Variants in FGD1 observed in about 807,000 individuals in gnomAD.
FGD1 encodes FYVE, RhoGEF and PH domain-containing protein 1.
Under a neutral mutation model 65.0 loss-of-function variants are expected in FGD1, and 12 were observed. That is an observed-to-expected ratio of 0.18 (90% confidence interval 0.12 to 0.30). The LOEUF is 0.30. Ranked by LOEUF, FGD1 falls within the 10% of genes least tolerant of loss-of-function variation. The probability of loss-of-function intolerance (pLI) is 1.00; values close to 1 mark genes in which losing one functional copy is unlikely to be tolerated. For missense variants in FGD1, 542 were observed against 837.6 expected (o/e 0.65, Z 4.36); for synonymous variants, 333 against 343.9 (o/e 0.97, Z 0.35).
In FGD1 at chrX:54,470,000, G is replaced by A. The variant is rs1922845473; in HGVS notation, c.1101+16C>T. ...TCTCCACATGGACCTGCCTCTCGGT[G>A]AACACAGGTCAGTACCTCCACAGAC... On this transcript the variant is annotated intron_variant, in intron 4 of 17. Coordinates refer to ENST00000375135, the MANE Select transcript of FGD1 (RefSeq NM_004463.3). The A allele has an allele frequency of 8.3e-7, 1 of 1,200,175 alleles. No individual in the cohort carries two copies. The highest frequency in any genetic ancestry group is 2.4e-4 in the Middle Eastern group (1 of 4,178).
At position 54,482,427 on chromosome X, in the gene FGD1, C is replaced by T. The variant is rs368378257; in HGVS notation, c.308-10940G>A. The stretch of plus-strand genomic sequence containing the variant: ...CCCCGCCCATCTCCCTCCCCCGCCC[C>T]GGGAGGAGCTGGGGACTTCAGAGGA... On this transcript the variant is annotated intron_variant, in intron 1 of 17. Transcript: ENST00000375135. 4.5e-5 allele frequency among the ~76,000 whole-genome samples: 5 copies of T among 112,159 alleles called. No individual in the cohort carries two copies. In the East Asian group the frequency reaches 8.5e-4, roughly 19 times the overall value.
chrX:54,486,556 T>C (rs144883607), intron 1 of FGD1, among the ~76,000 whole-genome samples: 263 of 111,703 alleles, frequency 2.4e-3, no homozygotes, highest in Non-Finnish European at 3.4e-3. Flanking sequence ...GATTTCTGTA[T>C]TTTTAGTAGA....
intron 8 of FGD1, among the ~76,000 whole-genome samples, chrX:54,461,126 C>T (rs1387083748): frequency 9.0e-6 from 1 of 111,436 alleles, no homozygotes; most frequent in African/African-American, 3.3e-5. Context: ...GGAGAATTTT[C>T]ACCTGGGGAT....
At position 54,492,912 on chromosome X, in the gene FGD1, A is replaced by G. The variant is rs1923445470; in HGVS notation, c.307+2214T>C. ...GTCTTATTCCTAATCCCCATCTTGA[A>G]TCAAAAAAAAAAAAAAAAAAGACAC... On this transcript the variant is annotated intron_variant, in intron 1 of 17. Transcript: ENST00000375135. Among the ~76,000 whole-genome samples the G allele has an allele frequency of 3.7e-5, 3 of 81,540 alleles. No homozygotes were observed. In the South Asian group the frequency reaches 1.7e-3, roughly 45 times the overall value. 70.8% of individuals were successfully genotyped at this position (81,540 alleles called of 115,157 possible).
At chrX:54,470,783 G>C (rs1429838338) in intron 2 of FGD1, 23 bp from the exon 3 acceptor site, 2 of 920,610 alleles carry the variant, frequency 2.2e-6, no homozygotes, top group Admixed American at 3.1e-5. Flanking sequence ...ATGGGGAAGA[G>C]AGAAGGGAGA....
At chrX:54,465,886 TG>T (rs1922748286) in intron 6 of FGD1, 34 bp from the exon 7 acceptor site, 2 of 1,206,426 alleles carry the variant, frequency 1.7e-6, no homozygotes, top group East Asian at 5.9e-5. Flanking sequence ...GTGGTCCTGC[TG>T]CTCTTTGCCC....
chrX:54,473,718 C>G (rs1254111156), intron 1 of FGD1, among the ~76,000 whole-genome samples: 1 of 112,297 alleles, frequency 8.9e-6, no homozygotes, highest in Non-Finnish European at 1.9e-5. Context: ...GGTGCGGTGG[C>G]TGACGCCTGT....
intron 8 of FGD1, among the ~76,000 whole-genome samples, chrX:54,459,847 T>C (rs6614241): frequency 0.27 from 29,549 of 109,714 alleles, 4,349 homozygotes; most frequent in East Asian, 0.58. Flanking sequence ...AGGTTCATCC[T>C]GGGGCCTCAG....
At chrX:54,447,858 T>C (rs1258061804) in intron 16 of FGD1, among the ~76,000 whole-genome samples, 3 of 112,238 alleles carry the variant, frequency 2.7e-5, no homozygotes, top group Non-Finnish European at 5.6e-5. Flanking sequence ...GGGTGGTTAA[T>C]GAAGTCTGGC....
intron 1 of FGD1, among the ~76,000 whole-genome samples, chrX:54,473,984 A>T (rs75412841): frequency 0.11 from 11,071 of 101,773 alleles, 641 homozygotes; most frequent in East Asian, 0.45. Flanking sequence ...CATCTCAAAA[A>T]AAAAATATAT....
Position 54,458,990 on chromosome X carries a change from G to T in FGD1, c.1637-2423C>A, listed in dbSNP as rs138009912. On this transcript the variant is annotated intron_variant, in intron 8 of 17. Transcript: ENST00000375135. ...CCCAGGGAGAAGGTGACCACCCTAG[G>T]TTGCCTACCTGGGTGGCAGAGTTGG... Among the ~76,000 whole-genome samples the T allele has an allele frequency of 2.3e-4, 26 of 111,372 alleles. No homozygotes were observed. In the East Asian group the frequency reaches 7.4e-3, roughly 32 times the overall value.
At chrX:54,491,485 C>T (rs963052244) in intron 1 of FGD1, among the ~76,000 whole-genome samples, 4 of 112,240 alleles carry the variant, frequency 3.6e-5, no homozygotes, top group Non-Finnish European at 7.5e-5. Context: ...CAGAAGCCCA[C>T]ATGGGGCCCT....
chrX:54,472,944 A>T (rs908766048), intron 1 of FGD1, among the ~76,000 whole-genome samples: 1 of 111,405 alleles, frequency 9.0e-6, no homozygotes, highest in Non-Finnish European at 1.9e-5. Flanking sequence ...TATCACACAC[A>T]GTCTCATAAA....
chrX:54,446,432 A>G lies in FGD1; in HGVS notation c.2581-18T>C. 1 of 1,200,362 alleles carries G rather than the reference A, an allele frequency of 8.3e-7. No homozygotes were observed. The highest frequency in any genetic ancestry group is 1.1e-6 in the Non-Finnish European group (1 of 888,314). On this transcript the variant is annotated intron_variant, in intron 17 of 17. Coordinates refer to ENST00000375135, the MANE Select transcript of FGD1 (RefSeq NM_004463.3). ...TTCACATCCTGGCGGGAGGAGGGAC[A>G]GAGCTGGGGCCACCTTGGGGCTAGA...
intron 5 of FGD1, 144 bp downstream of exon 5, chrX:54,468,643 C>T (rs1922814871): frequency 6.1e-6 from 3 of 488,682 alleles, no homozygotes; most frequent in Non-Finnish European, 1.1e-5. Context: ...GCTTCAGGGA[C>T]AAGCTGACTT....
intron 1 of FGD1, among the ~76,000 whole-genome samples, chrX:54,487,550 AT>A (rs1923307142): frequency 8.9e-6 from 1 of 112,904 alleles, no homozygotes; most frequent in Non-Finnish European, 1.9e-5. Context: ...ATTCAATGCT[AT>A]TCCTATCAAA....
chrX:54,451,625 A>T (rs142607827), intron 12 of FGD1, among the ~76,000 whole-genome samples: 2,416 of 105,587 alleles, frequency 0.023, 85 homozygotes, highest in African/African-American at 0.079. Context: ...TTTATTGGCC[A>T]GGTGCAGCGG....
chrX:54,470,707 G>T lies in FGD1; in HGVS notation c.535C>A (p.Pro179Thr). ...QMPRMPPPLE[P>T]IPPPPSRPLP... ...GGGCGTGATGGTGGAGGGGGGATGG[G>T]CTCCAGTGGGGGGGGCATCCGGGGC... Residue 179 changes from proline to threonine, a missense_variant, in exon 3 of 18, where the codon CCC (proline) becomes ACC (threonine). This residue lies in a region of FGD1 where 297 missense variants were observed against 326.8 expected (regional missense o/e 0.91). Coordinates refer to ENST00000375135, the MANE Select transcript of FGD1 (RefSeq NM_004463.3). 3.6e-6 allele frequency: 2 copies of T among 553,151 alleles called. No homozygotes were observed. The highest frequency in any genetic ancestry group is 5.3e-6 in the Non-Finnish European group (2 of 375,261). The allele number at this position is 553,151 out of a possible 1,213,427, so 45.6% of individuals were successfully genotyped here. A position where few individuals can be genotyped will look rare whatever the true frequency, so the allele number is the denominator to read the frequency against.
chrX:54,450,107 G>A (rs1469019764), intron 13 of FGD1, among the ~76,000 whole-genome samples, 164 bp downstream of exon 13: 1 of 111,696 alleles, frequency 9.0e-6, no homozygotes, highest in Admixed American at 9.6e-5. Context: ...CTCAACCTCT[G>A]CACCTCAGTT....
Sources: gnomAD v4.1 joint callset for allele counts (sites outside exome capture counted in the v4.1 genomes callset) on GRCh38, gnomAD v4.1.1 for gene constraint, gnomAD v4.1.1 regional missense constraint, MANE v1.5 for transcripts, NCBI Gene and HGNC (gene_info 2026-07-23, HGNC 2026-07-21) for gene names.